The following NUDT3 variants were observed in gnomAD, a reference collection of about 807,000 sequenced individuals.
NUDT3 encodes diphosphoinositol polyphosphate phosphohydrolase 1.
Under a neutral mutation model 23.6 loss-of-function variants are expected in NUDT3, and 9 were observed. The ratio of observed to expected loss-of-function variants is 0.38; its 90% CI spans 0.23 to 0.66. NUDT3 has a LOEUF of 0.66. Ranked by LOEUF, NUDT3 falls within the 30% of genes least tolerant of loss-of-function variation. The pLI, the probability that NUDT3 is intolerant of heterozygous loss-of-function variation, is 0.52. For missense variants in NUDT3, 172 were observed against 218.5 expected, an observed-to-expected ratio of 0.79 and a Z score of 1.34; for synonymous variants, 86 against 82.6, an observed-to-expected ratio of 1.04 and a Z score of -0.22.
At chr6:34,368,838 C>T (rs1764783515) in intron 1 of NUDT3, among the ~76,000 whole-genome samples, 1 of 152,182 alleles carries the variant, frequency 6.6e-6, no homozygotes, top group South Asian at 2.1e-4. Flanking sequence ...CGGGGTTTCA[C>T]CGTGTTAGCC....
intron 2 of NUDT3, among the ~76,000 whole-genome samples, chr6:34,313,413 T>C (rs1763805653): frequency 6.6e-6 from 1 of 152,092 alleles, no homozygotes; most frequent in Non-Finnish European, 1.5e-5. Flanking sequence ...TTCTGTGTGA[T>C]ACTATAATTC....
intron 2 of NUDT3, among the ~76,000 whole-genome samples, chr6:34,336,206 T>C (rs898048159): frequency 6.6e-6 from 1 of 151,852 alleles, no homozygotes; most frequent in Non-Finnish European, 1.5e-5. Flanking sequence ...GAGGCGGAGG[T>C]TGCAGTGAGC....
chr6:34,383,026 C>T (rs1416212425), intron 1 of NUDT3, among the ~76,000 whole-genome samples: 1 of 150,770 alleles, frequency 6.6e-6, no homozygotes, highest in East Asian at 2.0e-4. Flanking sequence ...ACTCGGGAGG[C>T]TGAGGCAGGA....
At chr6:34,350,979 C>T (rs1764457826) in intron 1 of NUDT3, among the ~76,000 whole-genome samples, 1 of 149,708 alleles carries the variant, frequency 6.7e-6, no homozygotes, top group Non-Finnish European at 1.5e-5. Context: ...CAGATATCGG[C>T]GCCAGGCGCA....
intron 2 of NUDT3, among the ~76,000 whole-genome samples, chr6:34,320,073 G>C (rs940091462): frequency 2.6e-5 from 4 of 152,128 alleles, no homozygotes; most frequent in African/African-American, 9.7e-5. Flanking sequence ...GAACCTCCTA[G>C]TTCACTTCTG....
intron 2 of NUDT3, among the ~76,000 whole-genome samples, chr6:34,324,167 C>T (rs1412607456): frequency 6.6e-6 from 1 of 151,996 alleles, no homozygotes; most frequent in Non-Finnish European, 1.5e-5. Flanking sequence ...CCAGCCTGGC[C>T]AACACGGGAA....
At chr6:34,354,020 A>G (rs1345634529) in intron 1 of NUDT3, among the ~76,000 whole-genome samples, 1 of 151,738 alleles carries the variant, frequency 6.6e-6, no homozygotes, top group East Asian at 1.9e-4. Context: ...CTCCTGCCTC[A>G]GATTCTCCTG....
At chr6:34,386,272 T>C (rs1765105343) in intron 1 of NUDT3, among the ~76,000 whole-genome samples, 1 of 152,236 alleles carries the variant, frequency 6.6e-6, no homozygotes, top group South Asian at 2.1e-4. Flanking sequence ...AAAGATGTTA[T>C]CAACATACCA....
rs1404941956 is a variant in NUDT3, at chr6:34,314,432, G to A, written c.211-18747C>T. ...AAATTACCCAGGCCTGGTGGTATGC[G>A]CCTGCAGTCCCAGCTACTCGGGAGG... On this transcript the variant is annotated intron_variant, in intron 2 of 4. Transcript: ENST00000607016. 1.5e-4 allele frequency among the ~76,000 whole-genome samples: 22 copies of A among 150,068 alleles called. No individual in the cohort carries two copies. In the East Asian group the frequency reaches 3.4e-3, roughly 23 times the overall value.
chr6:34,383,559 A>G (rs1354861633), intron 1 of NUDT3, among the ~76,000 whole-genome samples: 1 of 152,188 alleles, frequency 6.6e-6, no homozygotes, highest in Non-Finnish European at 1.5e-5. Flanking sequence ...AAGGTCTTAC[A>G]CAGACACTCC....
intron 1 of NUDT3, among the ~76,000 whole-genome samples, chr6:34,347,403 T>C (rs1434988975): frequency 1.3e-5 from 2 of 152,166 alleles, no homozygotes; most frequent in Non-Finnish European, 2.9e-5. Flanking sequence ...AGACAGGTGA[T>C]ATCTACGCAG....
intron 4 of NUDT3, among the ~76,000 whole-genome samples, chr6:34,290,435 G>A (rs1763403750): frequency 6.9e-6 from 1 of 144,078 alleles, no homozygotes; most frequent in Non-Finnish European, 1.5e-5. Context: ...GTATAAATGA[G>A]GTCTCAAATT....
intron 1 of NUDT3, among the ~76,000 whole-genome samples, chr6:34,343,187 G>C (rs1764314120): frequency 1.3e-5 from 2 of 152,050 alleles, no homozygotes; most frequent in Admixed American, 6.6e-5. Context: ...TTAATACAAT[G>C]TGAAATAATT....
In NUDT3 at chr6:34,387,278, A is replaced by C. The variant is rs542467305; in HGVS notation, c.99+4986T>G. Among the ~76,000 whole-genome samples the C allele has an allele frequency of 2.8e-4, 42 of 152,274 alleles. No individual in the cohort carries two copies. The Middle Eastern group carries it at 0.01, about 37-fold the overall frequency. ...TTAATTGTAAAACAGTCTCAGAAGA[A>C]GGGATTGTTATCATAGGAGATGATA... On this transcript the variant is annotated intron_variant, in intron 1 of 4. Coordinates refer to ENST00000607016, the MANE Select transcript of NUDT3 (RefSeq NM_006703.4).
At chr6:34,305,444 TCTTC>T (rs1763665846) in intron 2 of NUDT3, among the ~76,000 whole-genome samples, 1 of 152,238 alleles carries the variant, frequency 6.6e-6, no homozygotes, top group African/African-American at 2.4e-5. Context: ...TTTATTTCTG[TCTTC>T]CTATTTATCA....
intron 1 of NUDT3, among the ~76,000 whole-genome samples, chr6:34,377,989 G>A (rs918583346): frequency 6.6e-6 from 1 of 151,980 alleles, no homozygotes; most frequent in African/African-American, 2.4e-5. Context: ...ACAAACTTTA[G>A]CATGAAGAAA....
intron 1 of NUDT3, among the ~76,000 whole-genome samples, chr6:34,351,179 G>A (rs980737899): frequency 3.3e-5 from 2 of 60,590 alleles, no homozygotes; most frequent in African/African-American, 1.3e-4. Flanking sequence ...TTGAGACCTC[G>A]TCTCTACACT....
rs951148906 is a variant in NUDT3 at position 34,351,237 on chromosome 6, G to A, written c.100-9265C>T. ...AAAAAAAAAAAAAAACACTTTGGGAGGCCAAGATGGGAAGATCTTTTGAGG... is the reference window on the plus strand; with the variant it reads ...AAAAAAAAAAAAAAACACTTTGGGAAGCCAAGATGGGAAGATCTTTTGAGG... On this transcript the variant is annotated intron_variant, in intron 1 of 4. Coordinates refer to ENST00000607016, the MANE Select transcript of NUDT3 (RefSeq NM_006703.4). Among the ~76,000 whole-genome samples the A allele has an allele frequency of 8.0e-5, 6 of 75,358 alleles. 1 individual carries two copies. The highest frequency in any genetic ancestry group is 3.3e-4 in the Admixed American group (2 of 6,144). 49.4% of individuals were successfully genotyped at this position (75,358 alleles called of 152,430 possible).
intron 1 of NUDT3, among the ~76,000 whole-genome samples, chr6:34,354,828 T>C (rs907102388): frequency 6.7e-6 from 1 of 149,100 alleles, no homozygotes; most frequent in Admixed American, 6.7e-5. Context: ...ATATTTATTT[T>C]ATATTTGTAT....
Sources: gnomAD v4.1 joint callset for allele counts (sites outside exome capture counted in the v4.1 genomes callset) on GRCh38, gnomAD v4.1.1 for gene constraint, MANE v1.5 for transcripts, NCBI Gene and HGNC (gene_info 2026-07-23, HGNC 2026-07-21) for gene names.